EIF3A: variants seen among roughly 807,000 people sequenced by gnomAD.
EIF3A encodes the protein eukaryotic translation initiation factor 3 subunit A, also known as EIF3, p180 subunit.
EIF3A carries 21 observed loss-of-function variants against 186.6 expected under a neutral mutation model. The observed-to-expected ratio is 0.11, with a 90% CI of 0.08 to 0.16. EIF3A has a LOEUF of 0.16. EIF3A is among the 10% of genes least tolerant of loss of function. The pLI, the probability that EIF3A is intolerant of heterozygous loss-of-function variation, is 1.00. For missense variants in EIF3A, 1,306 were observed against 1,796.3 expected (o/e 0.73, Z 4.93); for synonymous variants, 563 against 584.3 (o/e 0.96, Z 0.52).
At chr10:119,079,937 T>C (rs1844235850) in intron 1 of EIF3A, among the ~76,000 whole-genome samples, 1 of 152,190 alleles carries the variant, frequency 6.6e-6, no homozygotes, top group African/African-American at 2.4e-5. Context: ...CAACTTCCAG[T>C]GATTCGAAAC....
In EIF3A at chr10:119,070,959, G is replaced by C. The variant is rs1266878030; in HGVS notation, c.668C>G (p.Pro223Arg). ...NQSTAINLNNPESQSMHLETR... is the reference protein window; with the variant it reads ...NQSTAINLNNRESQSMHLETR... ...TTCCAAATGCATGGACTGGCTCTCT[G>C]GATTATTAAGATTGATTGCCGTACT... The change falls in exon 5 of 22, where the codon CCA becomes CGA. Residue 223 changes from proline to arginine, a missense_variant. Around this residue, in one of 8 missense-constraint regions of EIF3A, gnomAD observed 267 missense variants for 367.8 expected, o/e 0.73. Coordinates refer to ENST00000369144, the MANE Select transcript of EIF3A (RefSeq NM_003750.4). 1 of 1,613,814 alleles carries C rather than the reference G, an allele frequency of 6.2e-7. No homozygotes were observed. The highest frequency in any genetic ancestry group is 1.7e-5 in the Admixed American group (1 of 60,022).
At chr10:119,061,849 T>C (rs1383629588) in intron 7 of EIF3A, among the ~76,000 whole-genome samples, 1 of 152,174 alleles carries the variant, frequency 6.6e-6, no homozygotes, top group Admixed American at 6.5e-5. Context: ...ATTTCACATA[T>C]TACCCCATTT....
intron 14 of EIF3A, among the ~76,000 whole-genome samples, chr10:119,054,894 G>A (rs1211977223): frequency 6.6e-6 from 1 of 152,072 alleles, no homozygotes; most frequent in Non-Finnish European, 1.5e-5. Flanking sequence ...TTGTGGAATT[G>A]TTAATTAGCC....
At position 119,080,752 on chromosome 10, in the gene EIF3A, A is replaced by G; in HGVS notation, c.-76T>C. 2.0e-6 allele frequency: 3 copies of G among 1,536,252 alleles called. No homozygotes were observed. The highest frequency in any genetic ancestry group is 2.6e-6 in the Non-Finnish European group (3 of 1,141,520). On this transcript the variant is annotated 5_prime_UTR_variant, in exon 1 of 22. Coordinates refer to ENST00000369144, the MANE Select transcript of EIF3A (RefSeq NM_003750.4). ...GGGCCGGGAGAGGAGACGAAGGGGA[A>G]CCAGCGTAAGGTCCCACGCGCCTCG... is the stretch of plus-strand genomic sequence containing the variant.
At chr10:119,050,006 C>G in intron 16 of EIF3A, 21 bp from the exon 17 acceptor site, 1 of 1,608,976 alleles carries the variant, frequency 6.2e-7, no homozygotes. Flanking sequence ...GATTAGGTTA[C>G]TAAGTGTGCC....
At chr10:119,074,283 C>T (rs904968584) in intron 1 of EIF3A, among the ~76,000 whole-genome samples, 1 of 151,920 alleles carries the variant, frequency 6.6e-6, no homozygotes, top group African/African-American at 2.4e-5. Context: ...CTGGCCAATA[C>T]GGTGAAACCC....
chr10:119,075,900 G>C (rs370574434), intron 1 of EIF3A, among the ~76,000 whole-genome samples: 1 of 53,042 alleles, frequency 1.9e-5, no homozygotes, highest in Admixed American at 2.3e-4. Context: ...TTTTTTTTTT[G>C]TATTTTTAGT....
At chr10:119,053,432 C>A (rs1024918490) in intron 14 of EIF3A, among the ~76,000 whole-genome samples, 3 of 151,926 alleles carry the variant, frequency 2.0e-5, no homozygotes, top group Non-Finnish European at 4.4e-5. Context: ...AATCTATTGG[C>A]TGGGCACCAT....
chr10:119,044,435 T>C (rs1266368773), intron 17 of EIF3A, among the ~76,000 whole-genome samples: 1 of 152,178 alleles, frequency 6.6e-6, no homozygotes, highest in African/African-American at 2.4e-5. Flanking sequence ...CTTTGAAGAA[T>C]GTGAAAAAAG....
chr10:119,061,842 T>C (rs1416510793), intron 7 of EIF3A, among the ~76,000 whole-genome samples: 2 of 152,198 alleles, frequency 1.3e-5, no homozygotes, highest in African/African-American at 4.8e-5. Flanking sequence ...GAAAAGAATT[T>C]CACATATTAC....
chr10:119,080,480 A>G (rs1261883157), intron 1 of EIF3A, 148 bp downstream of exon 1: 3 of 1,389,832 alleles, frequency 2.2e-6, no homozygotes, highest in South Asian at 3.3e-5. Flanking sequence ...CCCATGCCCA[A>G]CCACCGGCTG....
chr10:119,045,390 G>A (rs1188718983), intron 17 of EIF3A, among the ~76,000 whole-genome samples: 12 of 152,146 alleles, frequency 7.9e-5, no homozygotes, highest in Non-Finnish European at 1.0e-4. Flanking sequence ...GTCTCTTAAG[G>A]TGGGGGTTGT....
chr10:119,070,011 C>G (rs892857236), intron 5 of EIF3A, among the ~76,000 whole-genome samples: 4 of 151,922 alleles, frequency 2.6e-5, no homozygotes, highest in African/African-American at 9.7e-5. Flanking sequence ...CTTCTTTTAA[C>G]TTATGGATTT....
rs372690463 is a variant in EIF3A at position 119,062,743 on chromosome 10, CT to C, written c.1123-1416del. 8.1e-3 allele frequency among the ~76,000 whole-genome samples: 739 copies of C among 90,998 alleles called. 1 individual carries two copies. The highest frequency in any genetic ancestry group is 0.014 in the African/African-American group (342 of 23,652). The allele number at this position is 90,998 out of a possible 152,430, so 59.7% of individuals were successfully genotyped here. On this transcript the variant is annotated intron_variant, in intron 7 of 21. Transcript: ENST00000369144. ...ATTAAATCTAAGTCTAAGAGATCAC[CT>C]TTTTTTTTTTTTTTTTTTTTTGAGA...
At chr10:119,064,811 G>T (rs1436662660) in intron 7 of EIF3A, among the ~76,000 whole-genome samples, 1 of 152,132 alleles carries the variant, frequency 6.6e-6, no homozygotes, top group Non-Finnish European at 1.5e-5. Flanking sequence ...GGGTTCCAGC[G>T]ATTCTCCTGA....
At position 119,037,105 on chromosome 10, in the gene EIF3A, T is replaced by G; in HGVS notation, c.3919+14A>C. On this transcript the variant is annotated intron_variant, in intron 21 of 21. Coordinates refer to ENST00000369144, the MANE Select transcript of EIF3A (RefSeq NM_003750.4). ...ACAGTTCTCCAATACTTCAGTTGTATGTAACCTCTATACCTTCTTCACGTT... is the reference window on the plus strand; with the variant it reads ...ACAGTTCTCCAATACTTCAGTTGTAGGTAACCTCTATACCTTCTTCACGTT... The G allele has an allele frequency of 8.4e-7, 1 of 1,197,236 alleles. No individual in the cohort carries two copies. The highest frequency in any genetic ancestry group is 1.1e-6 in the Non-Finnish European group (1 of 872,964). 74.2% of individuals were successfully genotyped at this position (1,197,236 alleles called of 1,614,324 possible). A position where few individuals can be genotyped will look rare whatever the true frequency, so the allele number is the denominator to read the frequency against.
At chr10:119,074,984 C>CTT (rs113459869) in intron 1 of EIF3A, among the ~76,000 whole-genome samples, 33,135 of 105,126 alleles carry the variant, frequency 0.32, 6,208 homozygotes, top group Non-Finnish European at 0.39. Flanking sequence ...TATTTTTTTT[C>CTT]TTTTTTTTTT....
At chr10:119,041,890 G>A (rs1848212893) in intron 19 of EIF3A, 104 bp downstream of exon 19, 1 of 1,252,342 alleles carries the variant, frequency 8.0e-7, no homozygotes, top group Non-Finnish European at 1.1e-6. Context: ...AAAGATGAAA[G>A]ACCAGTTTAT....
intron 21 of EIF3A, among the ~76,000 whole-genome samples, chr10:119,036,503 A>C (rs1848131938): frequency 6.6e-6 from 1 of 152,194 alleles, no homozygotes; most frequent in Non-Finnish European, 1.5e-5. Context: ...ACAGGCAGAA[A>C]CCACTAGCCT....
Sources: allele counts gnomAD v4.1 joint callset (sites outside exome capture counted in the v4.1 genomes callset), GRCh38; gene constraint gnomAD v4.1.1; regional missense constraint gnomAD v4.1.1; transcripts MANE v1.5; gene names NCBI Gene and HGNC (gene_info 2026-07-23, HGNC 2026-07-21).